The following RTL8A variants were observed in gnomAD, a reference collection of about 807,000 sequenced individuals.
The protein encoded by RTL8A is retrotransposon Gag-like protein 8A.
RTL8A carries 4 observed loss-of-function variants against 4.4 expected under a neutral mutation model. The observed-to-expected ratio is 0.92, with a 90% CI of 0.45 to 2.10. The LOEUF (loss-of-function observed/expected upper bound fraction) is 2.10. RTL8A is among the 30% of genes most tolerant of loss of function. The pLI, the probability that RTL8A is intolerant of heterozygous loss-of-function variation, is 0.03. For synonymous variants in RTL8A, 47 were observed against 45.3 expected, an observed-to-expected ratio of 1.04 and a Z score of -0.15; for missense variants, 84 against 99.4, an observed-to-expected ratio of 0.85 and a Z score of 0.66.
rs1475381468 is a variant in RTL8A at position 135,051,755 on chromosome X, G to C, written c.*12C>G. ...CCAGAGCACCCGCCCCCAGGCCCAA[G>C]GGTCTCCCGGCCTAGAAGTCCTCGT... On this transcript the variant is annotated 3_prime_UTR_variant, in exon 1 of 1. Coordinates refer to ENST00000370775, the MANE Select transcript of RTL8A (RefSeq NM_001078172.2). The C allele has an allele frequency of 8.3e-7, 1 of 1,205,625 alleles. No homozygotes were observed. Among genetic ancestry groups the C allele is most frequent in the Admixed American group, 2.2e-5 (1 of 45,621 alleles).
Position 135,051,725 on chromosome X carries a change from T to C in RTL8A, c.*42A>G, listed in dbSNP as rs1304943676. On this transcript the variant is annotated 3_prime_UTR_variant, in exon 1 of 1. Transcript: ENST00000370775. Reference sequence around the variant, plus strand: ...AGCGGTGGCCACTGGCACAGCGAACTCTTCCCAGAGCACCCGCCCCCAGGC... The same window carrying C: ...AGCGGTGGCCACTGGCACAGCGAACCCTTCCCAGAGCACCCGCCCCCAGGC... The C allele has an allele frequency of 1.7e-6, 2 of 1,195,495 alleles. No homozygotes were observed. Among genetic ancestry groups the C allele is most frequent in the Non-Finnish European group, 2.3e-6 (2 of 888,158 alleles).
In RTL8A at chrX:135,051,493, C is replaced by T. The variant is rs1194856106; in HGVS notation, c.*274G>A. On this transcript the variant is annotated 3_prime_UTR_variant, in exon 1 of 1. Transcript: ENST00000370775. ...AGCTTGCACCTGAAGTGCAGGACAG[C>T]GTCCAAATGTGCATGGAGGGGCTGG... 1 of 1,123,876 alleles carries T rather than the reference C, an allele frequency of 8.9e-7. No homozygotes were observed. The highest frequency in any genetic ancestry group is 1.2e-6 in the Non-Finnish European group (1 of 844,844). 92.6% of individuals were successfully genotyped at this position (1,123,876 alleles called of 1,213,427 possible).
rs2083343056 is a variant in RTL8A at position 135,052,066 on chromosome X, G to T, written c.43C>A (p.Pro15Thr). 8.3e-7 allele frequency: 1 copy of T among 1,209,947 alleles called. No individual in the cohort carries two copies. Among genetic ancestry groups the T allele is most frequent in the African/African-American group, 1.7e-5 (1 of 57,723 alleles). Reference protein sequence around the residue: ...VQLMKALLAGPLRPAARRWRN... With the variant: ...VQLMKALLAGTLRPAARRWRN... ...CAGCGACGCGCCGCGGGCCGGAGGG[G>T]CCCGGCCAGGAGGGCCTTCATCAGC... is the stretch of plus-strand genomic sequence containing the variant. Residue 15 changes from proline to threonine, a missense_variant, in exon 1 of 1, where the codon CCC (proline) becomes ACC (threonine). Coordinates refer to ENST00000370775, the MANE Select transcript of RTL8A (RefSeq NM_001078172.2).
Position 135,051,161 on chromosome X carries a change from T to A in RTL8A, c.*606A>T, listed in dbSNP as rs1412508977. On this transcript the variant is annotated 3_prime_UTR_variant, in exon 1 of 1. Coordinates refer to ENST00000370775, the MANE Select transcript of RTL8A (RefSeq NM_001078172.2). ...CCAGGCACACTTAAGCCCTGGCAGC[T>A]ATGTGGCAGGAACACAAGAGGTCTC... 7 of 415,336 alleles carry A rather than the reference T, an allele frequency of 1.7e-5. No homozygotes were observed. Among genetic ancestry groups the A allele is most frequent in the Non-Finnish European group, 2.9e-5 (7 of 244,165 alleles). The allele number at this position is 415,336 out of a possible 1,213,427, so 34.2% of individuals were successfully genotyped here. A position where few individuals can be genotyped will look rare whatever the true frequency, so the allele number is the denominator to read the frequency against.
At position 135,052,125 on chromosome X, in the gene RTL8A, C is replaced by G. The variant is rs778838450; in HGVS notation, c.-17G>C. 8 of 1,183,823 alleles carry G rather than the reference C, an allele frequency of 6.8e-6. No homozygotes were observed. The highest frequency in any genetic ancestry group is 7.9e-6 in the Non-Finnish European group (7 of 881,739). On this transcript the variant is annotated 5_prime_UTR_variant, in exon 1 of 1. Transcript: ENST00000370775. Reference sequence around the variant, plus strand: ...ACCGTCCATCGTGCCGCGCGCGCTCCGCGGAGTTTCGCTGGGTTGCGTGGG... The same window carrying G: ...ACCGTCCATCGTGCCGCGCGCGCTCGGCGGAGTTTCGCTGGGTTGCGTGGG...
At position 135,051,787 on chromosome X, in the gene RTL8A, C is replaced by A. The variant is rs755234360; in HGVS notation, c.322G>T (p.Glu108Ter). 1 of 1,205,365 alleles carries A rather than the reference C, an allele frequency of 8.3e-7. No individual in the cohort carries two copies. The highest frequency in any genetic ancestry group is 1.8e-5 in the South Asian group (1 of 55,736). The change falls in exon 1 of 1, where the codon GAG becomes TAG. Residue 108 changes from glutamate (E) to a stop codon, truncating the protein, a stop_gained. Coordinates refer to ENST00000370775, the MANE Select transcript of RTL8A (RefSeq NM_001078172.2). LOFTEE classifies it high-confidence loss of function. ...CCGGCCTAGAAGTCCTCGTCCTCCT[C>A]CCATCCAAAGACCCGCTTCATCTCG... ...LAEMKRVFGW[E>*]EDEDF
chrX:135,051,497 C>CTATG lies in RTL8A; in HGVS notation c.*269_*270insCATA. The CTATG allele has an allele frequency of 5.3e-6, 6 of 1,127,606 alleles. No individual in the cohort carries two copies. Among genetic ancestry groups the CTATG allele is most frequent in the Non-Finnish European group, 7.1e-6 (6 of 847,472 alleles). The allele number at this position is 1,127,606 out of a possible 1,213,427, so 92.9% of individuals were successfully genotyped here. On this transcript the variant is annotated 3_prime_UTR_variant, in exon 1 of 1. Transcript: ENST00000370775. Reference sequence around the variant, plus strand: ...TGCACCTGAAGTGCAGGACAGCGTCCAAATGTGCATGGAGGGGCTGGGCTG... The same window carrying CTATG: ...TGCACCTGAAGTGCAGGACAGCGTCCTATGAAATGTGCATGGAGGGGCTGGGCTG...
In RTL8A at chrX:135,051,925, C is replaced by A; in HGVS notation, c.184G>T (p.Ala62Ser). ...FVDENTFSND[A>S]LKVTFLITRL... Reference sequence around the variant, plus strand: ...GTGATGAGGAACGTCACCTTCAGGGCGTCGTTGGAGAACGTGTTCTCGTCC... The same window carrying A: ...GTGATGAGGAACGTCACCTTCAGGGAGTCGTTGGAGAACGTGTTCTCGTCC... The change falls in exon 1 of 1, where the codon GCC becomes TCC. Residue 62 changes from alanine (A) to serine (S), a missense_variant. Transcript: ENST00000370775. The A allele has an allele frequency of 8.3e-7, 1 of 1,211,856 alleles. No individual in the cohort carries two copies. Among genetic ancestry groups the A allele is most frequent in the Non-Finnish European group, 1.1e-6 (1 of 895,417 alleles).
In RTL8A at chrX:135,051,656, C is replaced by T. The variant is rs1258972606; in HGVS notation, c.*111G>A. On this transcript the variant is annotated 3_prime_UTR_variant, in exon 1 of 1. Transcript: ENST00000370775. ...GAGCGCAGGGGACATCGCGGCGGCTCGAGGGGGAGGGAGGCGCGGAGGGAG... is the reference window on the plus strand; with the variant it reads ...GAGCGCAGGGGACATCGCGGCGGCTTGAGGGGGAGGGAGGCGCGGAGGGAG... The T allele has an allele frequency of 1.7e-5, 19 of 1,112,916 alleles. No individual in the cohort carries two copies. In the Middle Eastern group the frequency reaches 1.4e-3, roughly 81 times the overall value. The allele number at this position is 1,112,916 out of a possible 1,213,427, so 91.7% of individuals were successfully genotyped here. A position where few individuals can be genotyped will look rare whatever the true frequency, so the allele number is the denominator to read the frequency against.
Position 135,051,691 on chromosome X carries a change from G to T in RTL8A, c.*76C>A. On this transcript the variant is annotated 3_prime_UTR_variant, in exon 1 of 1. Coordinates refer to ENST00000370775, the MANE Select transcript of RTL8A (RefSeq NM_001078172.2). ...GGAGGCGCGGAGGGAGGGCGCCTGT[G>T]GAGACCCTAGCGGTGGCCACTGGCA... is the stretch of plus-strand genomic sequence containing the variant. 8.6e-7 allele frequency: 1 copy of T among 1,161,731 alleles called. No individual in the cohort carries two copies. Among genetic ancestry groups the T allele is most frequent in the East Asian group, 3.0e-5 (1 of 32,811 alleles).
Position 135,051,171 on chromosome X carries a change from G to T in RTL8A, c.*596C>A. The stretch of plus-strand genomic sequence containing the variant: ...TTAAGCCCTGGCAGCTATGTGGCAG[G>T]AACACAAGAGGTCTCTGGGGATGGG... On this transcript the variant is annotated 3_prime_UTR_variant, in exon 1 of 1. Transcript: ENST00000370775. 2.1e-6 allele frequency: 1 copy of T among 473,776 alleles called. No homozygotes were observed. 39.0% of individuals were successfully genotyped at this position (473,776 alleles called of 1,213,427 possible).
Position 135,051,499 on chromosome X carries a change from AAT to A in RTL8A, c.*266_*267del. Reference sequence around the variant, plus strand: ...CACCTGAAGTGCAGGACAGCGTCCAAATGTGCATGGAGGGGCTGGGCTGGCAA... The same window carrying A: ...CACCTGAAGTGCAGGACAGCGTCCAAGTGCATGGAGGGGCTGGGCTGGCAA... On this transcript the variant is annotated 3_prime_UTR_variant, in exon 1 of 1. Transcript: ENST00000370775. 5.3e-6 allele frequency: 6 copies of A among 1,128,500 alleles called. No individual in the cohort carries two copies. Among genetic ancestry groups the A allele is most frequent in the Non-Finnish European group, 7.1e-6 (6 of 848,119 alleles). The allele number at this position is 1,128,500 out of a possible 1,213,427, so 93.0% of individuals were successfully genotyped here. A position where few individuals can be genotyped will look rare whatever the true frequency, so the allele number is the denominator to read the frequency against.
rs1603267454 is a variant in RTL8A, at chrX:135,051,989, G to A, written c.120C>T (p.Leu40=). 8.3e-7 allele frequency: 1 copy of A among 1,211,168 alleles called. No homozygotes were observed. The highest frequency in any genetic ancestry group is 3.0e-5 in the East Asian group (1 of 33,771). Residue 40 remains leucine (L), a synonymous_variant, in exon 1 of 1, where the codon CTC becomes CTT. Transcript: ENST00000370775. The stretch of plus-strand genomic sequence containing the variant: ...AGCTCGTCTGCACGATGAACTCCGG[G>A]AGTCGGTCGGTATCTCCGTCAAACG... ...PETFDGDTDR[L]PEFIVQTSSY...
chrX:135,052,096 C>A lies in RTL8A; in HGVS notation c.13G>T (p.Val5Leu), dbSNP rs770587328. 8.3e-7 allele frequency: 1 copy of A among 1,200,733 alleles called. No homozygotes were observed. Among genetic ancestry groups the A allele is most frequent in the Non-Finnish European group, 1.1e-6 (1 of 889,698 alleles). Reference protein sequence around the residue: MDGRVQLMKALLAGP... With the variant: MDGRLQLMKALLAGP... ...GCCAGGAGGGCCTTCATCAGCTGCA[C>A]CCGACCGTCCATCGTGCCGCGCGCG... Residue 5 changes from valine (V) to leucine (L), a missense_variant, in exon 1 of 1, where the codon GTG becomes TTG. Coordinates refer to ENST00000370775, the MANE Select transcript of RTL8A (RefSeq NM_001078172.2).
rs769588108 is a variant in RTL8A at position 135,051,407 on chromosome X, G to A, written c.*360C>T. 2 of 1,053,406 alleles carry A rather than the reference G, an allele frequency of 1.9e-6. No individual in the cohort carries two copies. Among genetic ancestry groups the A allele is most frequent in the South Asian group, 3.9e-5 (2 of 51,115 alleles). 86.8% of individuals were successfully genotyped at this position (1,053,406 alleles called of 1,213,427 possible). On this transcript the variant is annotated 3_prime_UTR_variant, in exon 1 of 1. Transcript: ENST00000370775. ...GATGTAGTTGGCTGGCAGTCTGGAG[G>A]AGTGGAGGTGGGTTGGCAGCAGCGG...
In RTL8A at chrX:135,051,567, G is replaced by A. The variant is rs913879082; in HGVS notation, c.*200C>T. The A allele has an allele frequency of 2.7e-6, 3 of 1,119,245 alleles. No individual in the cohort carries two copies. The highest frequency in any genetic ancestry group is 3.5e-6 in the Non-Finnish European group (3 of 848,442). The allele number at this position is 1,119,245 out of a possible 1,213,427, so 92.2% of individuals were successfully genotyped here. ...GCGCGCTCTAGAGTGCGGCCCAGGA[G>A]CTGCAGCAGGAGCCTGGAGCGCTAT... On this transcript the variant is annotated 3_prime_UTR_variant, in exon 1 of 1. Coordinates refer to ENST00000370775, the MANE Select transcript of RTL8A (RefSeq NM_001078172.2).
chrX:135,051,845 G>A lies in RTL8A; in HGVS notation c.264C>T (p.Ser88=). Reference sequence around the variant, plus strand: ...AGCCCCGGTAATCATTGAGCAGGGGGCTCTCCTTCCTGATGTAGGGGATCA... The same window carrying A: ...AGCCCCGGTAATCATTGAGCAGGGGACTCTCCTTCCTGATGTAGGGGATCA... ...QWVIPYIRKE[S]PLLNDYRGFL... The change falls in exon 1 of 1, where the codon AGC becomes AGT. Residue 88 remains serine, a synonymous_variant. Transcript: ENST00000370775. The A allele has an allele frequency of 8.3e-7, 1 of 1,206,464 alleles. No individual in the cohort carries two copies. Among genetic ancestry groups the A allele is most frequent in the South Asian group, 1.8e-5 (1 of 56,051 alleles).
In RTL8A at chrX:135,051,773, G is replaced by A; in HGVS notation, c.336C>T (p.Asp112=). The A allele has an allele frequency of 8.3e-7, 1 of 1,205,699 alleles. No homozygotes were observed. Among genetic ancestry groups the A allele is most frequent in the Non-Finnish European group, 1.1e-6 (1 of 892,382 alleles). ...GGCCCAAGGGTCTCCCGGCCTAGAA[G>A]TCCTCGTCCTCCTCCCATCCAAAGA... ...KRVFGWEEDE[D]F The change falls in exon 1 of 1, where the codon GAC becomes GAT. Residue 112 remains aspartate (D), a synonymous_variant. Coordinates refer to ENST00000370775, the MANE Select transcript of RTL8A (RefSeq NM_001078172.2).
rs770587328 is a variant in RTL8A at position 135,052,096 on chromosome X, C to T, written c.13G>A (p.Val5Met). 8.3e-7 allele frequency: 1 copy of T among 1,200,735 alleles called. No individual in the cohort carries two copies. The highest frequency in any genetic ancestry group is 1.1e-6 in the Non-Finnish European group (1 of 889,700). ...GCCAGGAGGGCCTTCATCAGCTGCA[C>T]CCGACCGTCCATCGTGCCGCGCGCG... is the stretch of plus-strand genomic sequence containing the variant. MDGRVQLMKALLAGP... is the reference protein window; with the variant it reads MDGRMQLMKALLAGP... The change falls in exon 1 of 1, where the codon GTG becomes ATG. Residue 5 changes from valine to methionine, a missense_variant. Physicochemically the swap from Val to Met is conservative, Grantham distance 21. Coordinates refer to ENST00000370775, the MANE Select transcript of RTL8A (RefSeq NM_001078172.2).
Sources: gnomAD v4.1 joint callset for allele counts on GRCh38, gnomAD v4.1.1 for gene constraint, MANE v1.5 for transcripts, NCBI Gene and HGNC (gene_info 2026-07-23, HGNC 2026-07-21) for gene names.